Variants in NAV2 observed in about 807,000 individuals in gnomAD.
NAV2 encodes neuron navigator 2.
NAV2 carries 54 observed loss-of-function variants against 223.2 expected under a neutral mutation model. The ratio of observed to expected loss-of-function variants is 0.24; its 90% CI spans 0.19 to 0.30. The LOEUF is 0.30. Among genes scored for constraint, NAV2 ranks in the 10% least tolerant of loss-of-function variants. The pLI is 1.00. For synonymous variants in NAV2, 1,279 were observed against 1,239.3 expected (o/e 1.03, Z -0.67); for missense variants, 2,806 against 3,147.5 (o/e 0.89, Z 2.60).
intron 1 of NAV2, among the ~76,000 whole-genome samples, chr11:19,788,394 A>G (rs2057294265): frequency 6.6e-6 from 1 of 152,214 alleles, no homozygotes; most frequent in Admixed American, 6.5e-5. Context: ...ATCATCCTTG[A>G]GTCCTCCTCT....
intron 1 of NAV2, among the ~76,000 whole-genome samples, chr11:19,636,760 G>A (rs571069174): frequency 3.9e-5 from 6 of 152,242 alleles, no homozygotes; most frequent in South Asian, 4.2e-4. Context: ...GTGAGCCACC[G>A]CACCCGGCCG....
chr11:19,492,610 T>C (rs1388637019), intron 1 of NAV2, among the ~76,000 whole-genome samples: 1 of 152,138 alleles, frequency 6.6e-6, no homozygotes, highest in Non-Finnish European at 1.5e-5. Flanking sequence ...TCTGCCCACC[T>C]CCCAACTTCT....
intron 11 of NAV2, among the ~76,000 whole-genome samples, chr11:20,002,734 CT>C (rs1310212984): frequency 6.6e-6 from 1 of 152,180 alleles, no homozygotes; most frequent in Non-Finnish European, 1.5e-5. Context: ...CTCAAAGCCA[CT>C]GTAATAGCCA....
chr11:19,407,780 C>T (rs535507472), intron 1 of NAV2, among the ~76,000 whole-genome samples: 26 of 152,134 alleles, frequency 1.7e-4, no homozygotes, highest in Admixed American at 2.6e-4. Context: ...TTGTGTGTCC[C>T]GGGCTTTGTC....
intron 1 of NAV2, among the ~76,000 whole-genome samples, chr11:19,745,318 A>G (rs888193357): frequency 5.3e-5 from 8 of 152,268 alleles, no homozygotes; most frequent in Non-Finnish European, 8.8e-5. Context: ...AAAGACAAAT[A>G]TAATCCAGGC....
At chr11:19,466,550 T>A (rs1852357938) in intron 1 of NAV2, among the ~76,000 whole-genome samples, 1 of 152,242 alleles carries the variant, frequency 6.6e-6, no homozygotes, top group Admixed American at 6.5e-5. Context: ...TGCAGAGAGA[T>A]GCTCTAGAAA....
chr11:20,043,256 G>A (rs539271880), intron 12 of NAV2, among the ~76,000 whole-genome samples: 2 of 152,230 alleles, frequency 1.3e-5, no homozygotes, highest in South Asian at 4.1e-4. Flanking sequence ...AAAGGGAAAC[G>A]GGCCAGGAGA....
At chr11:19,962,332 T>C (rs1421604377) in intron 10 of NAV2, among the ~76,000 whole-genome samples, 1 of 152,046 alleles carries the variant, frequency 6.6e-6, no homozygotes, top group East Asian at 2.0e-4. Flanking sequence ...TCATCTAAAA[T>C]ATTCCTTTGC....
chr11:19,537,517 T>C (rs1027733272), intron 1 of NAV2, among the ~76,000 whole-genome samples: 4 of 152,216 alleles, frequency 2.6e-5, no homozygotes, highest in African/African-American at 9.6e-5. Context: ...TACCAAGCCC[T>C]TCCTGCTGCA....
At chr11:19,708,018 T>C (rs1249981038), upstream of NAV2, among the ~76,000 whole-genome samples, 1 of 152,178 alleles carries the variant, frequency 6.6e-6, no homozygotes, top group African/African-American at 2.4e-5. Flanking sequence ...TACATACCCC[T>C]CACACTCTAG....
intron 24 of NAV2, among the ~76,000 whole-genome samples, chr11:20,078,512 G>T (rs1375142435): frequency 1.3e-5 from 2 of 152,132 alleles, no homozygotes; most frequent in African/African-American, 4.8e-5. Context: ...AGGTTGAAGT[G>T]CAGTGGTGCA....
chr11:20,007,441 A>T (rs1168164513), intron 11 of NAV2, among the ~76,000 whole-genome samples: 3 of 152,238 alleles, frequency 2.0e-5, no homozygotes, highest in Non-Finnish European at 4.4e-5. Flanking sequence ...AGGACCTTTG[A>T]GTGGCCTTGA....
intron 10 of NAV2, among the ~76,000 whole-genome samples, chr11:19,963,459 A>T (rs1201681181): frequency 2.0e-5 from 3 of 152,192 alleles, no homozygotes; most frequent in Non-Finnish European, 4.4e-5. Flanking sequence ...GCAAGACCAA[A>T]AAGGAAGAGT....
In NAV2 at chr11:19,843,753, A is replaced by C. The variant is rs1286041193; in HGVS notation, c.438+830A>C. Among the ~76,000 whole-genome samples, 16 of 102,652 alleles carry C rather than the reference A, an allele frequency of 1.6e-4. No homozygotes were observed. The Admixed American group carries it at 1.8e-3, about 12-fold the overall frequency. The allele number at this position is 102,652 out of a possible 152,430, so 67.3% of individuals were successfully genotyped here. ...TTGCTGGATGTTCATTTGCTTCCAG[A>C]AATCTAAAAAAAAAAAAAAAAAAGC... is the stretch of plus-strand genomic sequence containing the variant. On this transcript the variant is annotated intron_variant, in intron 3 of 37. Transcript: ENST00000349880.
Position 20,106,846 on chromosome 11 carries a change from A to C in NAV2, c.6842-818A>C, listed in dbSNP as rs546361480. 1.3e-4 allele frequency among the ~76,000 whole-genome samples: 19 copies of C among 151,540 alleles called. No homozygotes were observed. In the East Asian group the frequency reaches 3.2e-3, roughly 26 times the overall value. On this transcript the variant is annotated intron_variant, in intron 35 of 37. Transcript: ENST00000349880. The stretch of plus-strand genomic sequence containing the variant: ...TTTTTAGTAGAGAAGGGGTTTCTTC[A>C]TGTTGGCTAGGCTGATCTCGAACTC...
chr11:19,746,820 A>G (rs2053393529), intron 1 of NAV2, among the ~76,000 whole-genome samples: 1 of 151,876 alleles, frequency 6.6e-6, no homozygotes, highest in Admixed American at 6.6e-5. Flanking sequence ...AGATTCTCTC[A>G]TCATGTCTGT....
At chr11:19,813,824 A>T (rs780755091) in intron 1 of NAV2, among the ~76,000 whole-genome samples, 2 of 152,174 alleles carry the variant, frequency 1.3e-5, no homozygotes, top group Non-Finnish European at 2.9e-5. Context: ...GCTCGGGGTC[A>T]AAGTCGGGAT....
intron 10 of NAV2, among the ~76,000 whole-genome samples, chr11:19,950,282 T>TATGCCAAACA (rs1344209964): frequency 1.3e-5 from 2 of 152,216 alleles, no homozygotes; most frequent in African/African-American, 4.8e-5. Context: ...AACTCTCCTA[T>TATGCCAAACA]ATGCCAAACA....
intron 1 of NAV2, among the ~76,000 whole-genome samples, chr11:19,493,882 A>T (rs1326461506): frequency 2.0e-5 from 3 of 152,240 alleles, no homozygotes; most frequent in African/African-American, 7.2e-5. Context: ...CTTAAAAAGA[A>T]AGGCCCGAAA....
Sources: allele counts gnomAD v4.1 joint callset (sites outside exome capture counted in the v4.1 genomes callset), GRCh38; gene constraint gnomAD v4.1.1; transcripts MANE v1.5; gene names NCBI Gene and HGNC (gene_info 2026-07-23, HGNC 2026-07-21).